RFX8: variants seen among roughly 807,000 people sequenced by gnomAD.
RFX8 encodes the protein DNA-binding protein RFX8.
Under a neutral mutation model 54.6 loss-of-function variants are expected in RFX8, and 46 were observed. The ratio of observed to expected loss-of-function variants is 0.84; its 90% CI spans 0.67 to 1.08. RFX8 has a LOEUF of 1.08. Ranked by LOEUF, RFX8 falls within the 50% of genes least tolerant of loss-of-function variation. The pLI is 0.00. For missense variants in RFX8, 536 were observed against 562.3 expected, an observed-to-expected ratio of 0.95 and a Z score of 0.47; for synonymous variants, 192 against 209.5, an observed-to-expected ratio of 0.92 and a Z score of 0.72.
In RFX8 at chr2:101,402,603, G is replaced by A. The variant is rs1190197335; in HGVS notation, c.1078C>T (p.Leu360Phe). Reference sequence around the variant, plus strand: ...AGTGAGGAATTCAGAGAATGGAAAAGTGCCTGGTCTGGCTGGCCGAGAGTC... The same window carrying A: ...AGTGAGGAATTCAGAGAATGGAAAAATGCCTGGTCTGGCTGGCCGAGAGTC... ...DPTLGQPDQA[L>F]FHSLNSSLSQ... is the part of the protein sequence containing the mutation. The change falls in exon 11 of 12, where the codon CTT (leucine) becomes TTT (phenylalanine). Residue 360 changes from leucine (L) to phenylalanine (F), a missense_variant. By Grantham distance (22) the Leu-to-Phe change is conservative (BLOSUM62 0). Transcript: ENST00000428343. The A allele has an allele frequency of 2.6e-6, 4 of 1,552,082 alleles. No homozygotes were observed. In the East Asian group the frequency reaches 9.8e-5, roughly 38 times the overall value.
At chr2:101,469,070 A>ACG (rs1689787909) in intron 1 of RFX8, among the ~76,000 whole-genome samples, 1 of 96,814 alleles carries the variant, frequency 1.0e-5, no homozygotes, top group African/African-American at 5.2e-5. Context: ...ATATATGTAT[A>ACG]TATATATAAG....
intron 2 of RFX8, among the ~76,000 whole-genome samples, chr2:101,462,302 C>T (rs1031393484): frequency 2.6e-5 from 4 of 152,058 alleles, no homozygotes; most frequent in Admixed American, 1.3e-4. Context: ...TGTGGTGGCA[C>T]ACGTGTAGTC....
At chr2:101,433,362 C>T (rs1188716398) in intron 2 of RFX8, among the ~76,000 whole-genome samples, 2 of 152,116 alleles carry the variant, frequency 1.3e-5, no homozygotes, top group Non-Finnish European at 2.9e-5. Flanking sequence ...TTCTTCTGGG[C>T]ACTGGCAAAT....
At chr2:101,413,145 G>T in intron 7 of RFX8, 74 bp from the exon 8 acceptor site, 1 of 1,276,366 alleles carries the variant, frequency 7.8e-7, no homozygotes, top group Non-Finnish European at 1.1e-6. Flanking sequence ...CCCCCAAATT[G>T]CCAAGATTTT....
At chr2:101,458,133 C>A (rs1573472400) in intron 2 of RFX8, among the ~76,000 whole-genome samples, 1 of 152,132 alleles carries the variant, frequency 6.6e-6, no homozygotes. Context: ...CTCCTGAATA[C>A]AGCACACTGA....
At chr2:101,451,923 G>A (rs1018046830) in intron 2 of RFX8, among the ~76,000 whole-genome samples, 12 of 151,908 alleles carry the variant, frequency 7.9e-5, no homozygotes, top group Non-Finnish European at 1.3e-4. Flanking sequence ...GGAAAACCTC[G>A]TCTCTAAAAA....
At chr2:101,466,682 C>A in intron 2 of RFX8, 95 bp downstream of exon 2, 1 of 899,556 alleles carries the variant, frequency 1.1e-6, no homozygotes, top group South Asian at 1.4e-5. Context: ...ACTGAAAATC[C>A]ATTAGACTCA....
intron 2 of RFX8, among the ~76,000 whole-genome samples, chr2:101,436,245 T>C (rs1338154182): frequency 6.6e-6 from 1 of 152,200 alleles, no homozygotes; most frequent in Admixed American, 6.5e-5. Context: ...ATTCTATGCT[T>C]CTTTGGAGTA....
intron 8 of RFX8, 54 bp from the exon 9 acceptor site, chr2:101,410,767 T>C: frequency 4.3e-6 from 4 of 930,968 alleles, no homozygotes; most frequent in Non-Finnish European, 6.8e-6. Context: ...GAGCAGAATT[T>C]CTCTTAGGTA....
At position 101,465,076 on chromosome 2, in the gene RFX8, C is replaced by G. The variant is rs1437987262; in HGVS notation, c.72+1701G>C. Among the ~76,000 whole-genome samples, 5 of 152,098 alleles carry G rather than the reference C, an allele frequency of 3.3e-5. No homozygotes were observed. In the East Asian group the frequency reaches 9.6e-4, roughly 29 times the overall value. On this transcript the variant is annotated intron_variant, in intron 2 of 11. Transcript: ENST00000428343. ...TGATAGCAGCTGGGGGAATTCCCAG[C>G]TACTGGGAAAAGCTTAGAGTCACCT...
intron 1 of RFX8, among the ~76,000 whole-genome samples, chr2:101,469,004 GTA>G (rs1196328303): frequency 2.4e-4 from 6 of 25,282 alleles, no homozygotes; most frequent in African/African-American, 3.9e-4. Context: ...ATATATATAC[GTA>G]TATATATATA....
intron 10 of RFX8, among the ~76,000 whole-genome samples, chr2:101,403,610 C>A (rs1685567431): frequency 6.6e-6 from 1 of 152,076 alleles, no homozygotes; most frequent in Non-Finnish European, 1.5e-5. Flanking sequence ...CAAGGCGAAA[C>A]CTTGTCTTCA....
At chr2:101,449,134 G>A (rs1402192460) in intron 2 of RFX8, among the ~76,000 whole-genome samples, 3 of 151,928 alleles carry the variant, frequency 2.0e-5, no homozygotes, top group Admixed American at 6.6e-5. Context: ...GATATGTTCA[G>A]GGAAAAGTGA....
chr2:101,411,048 A>G (rs886704041), intron 8 of RFX8, among the ~76,000 whole-genome samples: 3 of 152,226 alleles, frequency 2.0e-5, no homozygotes, highest in African/African-American at 4.8e-5. Context: ...GACCTCACCT[A>G]TCCTTGCCAT....
intron 1 of RFX8, among the ~76,000 whole-genome samples, chr2:101,471,116 C>T (rs1206250991): frequency 6.6e-6 from 1 of 151,728 alleles, no homozygotes; most frequent in Non-Finnish European, 1.5e-5. Context: ...GGCAGATCAC[C>T]TGAGGTCAGG....
chr2:101,451,692 AAAAAAAAAAAAAAAG>A (rs1323091090), intron 2 of RFX8, among the ~76,000 whole-genome samples: 5 of 146,362 alleles, frequency 3.4e-5, no homozygotes, highest in African/African-American at 1.2e-4. Context: ...TCCGTCTCAA[AAAAAAAAAAAAAAAG>A]AAAAGTAATA....
At chr2:101,422,959 A>G (rs983890077) in intron 2 of RFX8, among the ~76,000 whole-genome samples, 1 of 152,190 alleles carries the variant, frequency 6.6e-6, no homozygotes, top group Non-Finnish European at 1.5e-5. Context: ...ACTTTCCTTT[A>G]GAAGAACCAA....
At position 101,410,305 on chromosome 2, in the gene RFX8, C is replaced by T. The variant is rs114362967; in HGVS notation, c.813+314G>A. On this transcript the variant is annotated intron_variant, in intron 9 of 11. Transcript: ENST00000428343. The stretch of plus-strand genomic sequence containing the variant: ...CACGCTCACCACACTCACATACACA[C>T]ATGCTCACACACACCCTGACACACA... 7.1e-3 allele frequency among the ~76,000 whole-genome samples: 1,077 copies of T among 152,028 alleles called. 8 individuals carry two copies. Among genetic ancestry groups the T allele is most frequent in the Admixed American group, 0.014 (221 of 15,256 alleles).
chr2:101,442,304 T>C (rs1459729931), intron 2 of RFX8, among the ~76,000 whole-genome samples: 2 of 152,262 alleles, frequency 1.3e-5, no homozygotes, highest in Non-Finnish European at 2.9e-5. Flanking sequence ...GTGTATTGTA[T>C]GTATCCCATA....
Sources: allele counts gnomAD v4.1 joint callset (sites outside exome capture counted in the v4.1 genomes callset), GRCh38; gene constraint gnomAD v4.1.1; transcripts MANE v1.5; gene names NCBI Gene and HGNC (gene_info 2026-07-23, HGNC 2026-07-21).